Variants in PCDHGA8 observed in about 807,000 individuals in gnomAD.
PCDHGA8 encodes protocadherin gamma subfamily A, 8, also known as protocadherin gamma-A8.
Under a neutral mutation model 59.2 loss-of-function variants are expected in PCDHGA8, and 45 were observed. The observed-to-expected ratio is 0.76, with a 90% CI of 0.60 to 0.98. The LOEUF is 0.98. PCDHGA8 is among the 50% of genes least tolerant of loss of function. The probability of loss-of-function intolerance (pLI) is 0.00; values close to 1 mark genes in which losing one functional copy is unlikely to be tolerated. For synonymous variants in PCDHGA8, 531 were observed against 519.0 expected, an observed-to-expected ratio of 1.02 and a Z score of -0.32; for missense variants, 1,257 against 1,196.2, an observed-to-expected ratio of 1.05 and a Z score of -0.75.
chr5:141,428,121 G>T (rs764584436), intron 1 of PCDHGA8: 1 of 1,605,860 alleles, frequency 6.2e-7, no homozygotes. Context: ...CATCGAGCCC[G>T]GGCTTTTCAG....
Position 141,476,659 on chromosome 5 carries a change from G to C in PCDHGA8, c.2425-18148G>C. On this transcript the variant is annotated intron_variant, in intron 1 of 3. Transcript: ENST00000398604. This position sits in a 1 kb window ranked among gnomAD's most constrained non-coding sequence, Gnocchi z 7.6. ...AGCTGAGCCGAAATGAATACTTTGCGCTTCGCGTGCAGACGCGGGAGGACA... is the reference window on the plus strand; with the variant it reads ...AGCTGAGCCGAAATGAATACTTTGCCCTTCGCGTGCAGACGCGGGAGGACA... 1 of 1,614,252 alleles carries C rather than the reference G, an allele frequency of 6.2e-7. No individual in the cohort carries two copies. The highest frequency in any genetic ancestry group is 8.5e-7 in the Non-Finnish European group (1 of 1,180,048).
In PCDHGA8 at chr5:141,393,241, A is replaced by C. The variant is rs377394191; in HGVS notation, c.428A>C (p.Asn143Thr). 292 of 1,613,684 alleles carry C rather than the reference A, an allele frequency of 1.8e-4. No individual in the cohort carries two copies. Among genetic ancestry groups the C allele is most frequent in the Non-Finnish European group, 2.3e-4 (276 of 1,179,906 alleles). ...GTCGAAGATCTAGAAGTAAAAATTAACGAAATCGCGGTTCCTGGAGCACGT... is the reference window on the plus strand; with the variant it reads ...GTCGAAGATCTAGAAGTAAAAATTACCGAAATCGCGGTTCCTGGAGCACGT... ...FQVEDLEVKINEIAVPGARYP... is the reference protein window; with the variant it reads ...FQVEDLEVKITEIAVPGARYP... The change falls in exon 1 of 4, where the codon AAC becomes ACC. Residue 143 changes from asparagine to threonine, a missense_variant. Asn to Thr is a moderately conservative substitution (Grantham distance 65). Transcript: ENST00000398604.
At chr5:141,400,637 C>T (rs1198861683) in intron 1 of PCDHGA8, 1 of 1,324,714 alleles carries the variant, frequency 7.5e-7, no homozygotes, top group Non-Finnish European at 1.1e-6. Flanking sequence ...GTCAGAGCTG[C>T]TCAGAAAGCT....
chr5:141,454,232 G>T (rs2098784520), intron 1 of PCDHGA8, among the ~76,000 whole-genome samples: 1 of 152,146 alleles, frequency 6.6e-6, no homozygotes, highest in African/African-American at 2.4e-5. Context: ...TAATTGTGAT[G>T]AAAAGGATGA....
chr5:141,405,995 A>T (rs985162414), intron 1 of PCDHGA8, among the ~76,000 whole-genome samples: 1 of 151,964 alleles, frequency 6.6e-6, no homozygotes. Context: ...GGTAGCTCTC[A>T]GCCTGCATTG....
intron 1 of PCDHGA8, among the ~76,000 whole-genome samples, chr5:141,481,620 C>G (rs1449979532): frequency 6.6e-6 from 1 of 152,112 alleles, no homozygotes; most frequent in African/African-American, 2.4e-5. Context: ...GAGTTCAAGA[C>G]CGGCCTGGCC....
intron 1 of PCDHGA8, 91 bp from the exon 2 acceptor site, chr5:141,494,716 C>T (rs1448674271): frequency 3.7e-6 from 6 of 1,604,970 alleles, no homozygotes; most frequent in East Asian, 4.5e-5. Flanking sequence ...TGCCCACTCC[C>T]CTCCTTCTCT....
chr5:141,431,462 G>A lies in PCDHGA8; in HGVS notation c.2424+36225G>A. ...GCGCATCCGCGTGATGGTTCTGGAT[G>A]CGAACGACAACGCACCAGCGTTTGC... On this transcript the variant is annotated intron_variant, in intron 1 of 3. Transcript: ENST00000398604. This position sits in a 1 kb window ranked among gnomAD's most constrained non-coding sequence, Gnocchi z 4.8. 6.2e-7 allele frequency: 1 copy of A among 1,613,826 alleles called. No individual in the cohort carries two copies. The highest frequency in any genetic ancestry group is 2.2e-5 in the East Asian group (1 of 44,886).
chr5:141,503,528 G>A (rs1411240550), intron 2 of PCDHGA8, among the ~76,000 whole-genome samples: 2 of 151,470 alleles, frequency 1.3e-5, no homozygotes, highest in Non-Finnish European at 2.9e-5. Flanking sequence ...GAACCTGGGA[G>A]GCAGAGGTTG....
rs758578821 is a variant in PCDHGA8 at position 141,486,659 on chromosome 5, G to C, written c.2425-8148G>C. The C allele has an allele frequency of 6.8e-6, 11 of 1,613,944 alleles. No individual in the cohort carries two copies. The highest frequency in any genetic ancestry group is 8.5e-6 in the Non-Finnish European group (10 of 1,180,026). On this transcript the variant is annotated intron_variant, in intron 1 of 3. Coordinates refer to ENST00000398604, the MANE Select transcript of PCDHGA8 (RefSeq NM_032088.2). The surrounding 1 kb of genome is among the most constrained non-coding windows in gnomAD (Gnocchi z 5.0). ...TGCGCTTATCTCCTACTCACTCCTGGAGCCCAGGAATCGAGATGTATCAGC... is the reference window on the plus strand; with the variant it reads ...TGCGCTTATCTCCTACTCACTCCTGCAGCCCAGGAATCGAGATGTATCAGC...
Position 141,431,953 on chromosome 5 carries a change from C to G in PCDHGA8, c.2424+36716C>G. 1.2e-6 allele frequency: 2 copies of G among 1,614,082 alleles called. No individual in the cohort carries two copies. Among genetic ancestry groups the G allele is most frequent in the East Asian group, 4.5e-5 (2 of 44,886 alleles). ...TGCCCTTTAAATTAGAAAAATCTTA[C>G]GGAAATTACTATAGTTTAGTCACAG... On this transcript the variant is annotated intron_variant, in intron 1 of 3. Transcript: ENST00000398604. The surrounding 1 kb of genome is among the most constrained non-coding windows in gnomAD (Gnocchi z 4.8).
At chr5:141,460,961 A>ATG (rs35821115) in intron 1 of PCDHGA8, among the ~76,000 whole-genome samples, 128 of 144,610 alleles carry the variant, frequency 8.9e-4, no homozygotes, top group Middle Eastern at 7.1e-3. Context: ...GTATATATAT[A>ATG]TGTGTGTGTG....
At chr5:141,463,610 G>A (rs189991450) in intron 1 of PCDHGA8, among the ~76,000 whole-genome samples, 2 of 151,672 alleles carry the variant, frequency 1.3e-5, no homozygotes, top group Admixed American at 6.6e-5. Flanking sequence ...CACCATGCCC[G>A]GCTAATTTTT....
At position 141,427,779 on chromosome 5, in the gene PCDHGA8, C is replaced by T. The variant is rs1196661076; in HGVS notation, c.2424+32542C>T. On this transcript the variant is annotated intron_variant, in intron 1 of 3. Transcript: ENST00000398604. Reference sequence around the variant, plus strand: ...TACCACTGACTTGGAGCTGCGGGCACTGTCGTCCTACGTGTCCGTGAGCGC... The same window carrying T: ...TACCACTGACTTGGAGCTGCGGGCATTGTCGTCCTACGTGTCCGTGAGCGC... 2.1e-6 allele frequency: 3 copies of T among 1,454,498 alleles called. No individual in the cohort carries two copies. The East Asian group carries it at 6.8e-5, about 33-fold the overall frequency. The allele number at this position is 1,454,498 out of a possible 1,614,324, so 90.1% of individuals were successfully genotyped here. A position where few individuals can be genotyped will look rare whatever the true frequency, so the allele number is the denominator to read the frequency against.
intron 1 of PCDHGA8, among the ~76,000 whole-genome samples, chr5:141,425,497 CT>C (rs2096879671): frequency 6.6e-6 from 1 of 152,164 alleles, no homozygotes; most frequent in African/African-American, 2.4e-5. Context: ...TAGGCTATAC[CT>C]TTATATTCTC....
intron 1 of PCDHGA8, among the ~76,000 whole-genome samples, chr5:141,465,788 T>A (rs1322471400): frequency 6.6e-6 from 1 of 152,110 alleles, no homozygotes; most frequent in Non-Finnish European, 1.5e-5. Context: ...AGTTTTTTTT[T>A]TTTTAAGAAA....
At chr5:141,415,740 G>GTTTTTTTTTTTTTTTTTTGTTTTTTTTT in intron 1 of PCDHGA8, 1 of 617,992 alleles carries the variant, frequency 1.6e-6, no homozygotes, top group Non-Finnish European at 2.1e-6. Flanking sequence ...GTTTATTAAG[G>GTTTTTTTTTTTTTTTTTTGTTTTTTTTT]TTTTTTTTTT....
rs547410815 is a variant in PCDHGA8 at position 141,418,658 on chromosome 5, A to T, written c.2424+23421A>T. ...CACCTCCATCCTGAGAGTGAAGGCC[A>T]CTGACCAGGACGAGGGCATCAACTC... is the stretch of plus-strand genomic sequence containing the variant. On this transcript the variant is annotated intron_variant, in intron 1 of 3. Transcript: ENST00000398604. 2.6e-4 allele frequency: 419 copies of T among 1,614,030 alleles called. 6 individuals carry two copies. The South Asian group carries it at 4.2e-3, about 16-fold the overall frequency.
In PCDHGA8 at chr5:141,476,789, T is replaced by A. The variant is rs762462741; in HGVS notation, c.2425-18018T>A. On this transcript the variant is annotated intron_variant, in intron 1 of 3. Coordinates refer to ENST00000398604, the MANE Select transcript of PCDHGA8 (RefSeq NM_032088.2). The surrounding 1 kb of genome is among the most constrained non-coding windows in gnomAD (Gnocchi z 7.6). ...GTTGGACGGAGGGACCCCAGCTCTCTCCGCCAGCCTGCCTATTCACATCAA... is the reference window on the plus strand; with the variant it reads ...GTTGGACGGAGGGACCCCAGCTCTCACCGCCAGCCTGCCTATTCACATCAA... 1.3e-5 allele frequency: 21 copies of A among 1,613,374 alleles called. No individual in the cohort carries two copies. Among genetic ancestry groups the A allele is most frequent in the Non-Finnish European group, 1.7e-5 (20 of 1,180,016 alleles).
Sources: allele counts gnomAD v4.1 joint callset (sites outside exome capture counted in the v4.1 genomes callset), GRCh38; gene constraint gnomAD v4.1.1; non-coding constraint Gnocchi (gnomAD v3.1); transcripts MANE v1.5; gene names NCBI Gene and HGNC (gene_info 2026-07-23, HGNC 2026-07-21).